The following ZNF274 variants were observed in gnomAD, a reference collection of about 807,000 sequenced individuals.
ZNF274 encodes the protein zinc finger protein 274.
ZNF274 carries 23 observed loss-of-function variants against 42.5 expected under a neutral mutation model. The ratio of observed to expected loss-of-function variants is 0.54; its 90% confidence interval spans 0.39 to 0.77. The LOEUF is 0.77. Ranked by LOEUF, ZNF274 falls within the 30% of genes least tolerant of loss-of-function variation. The pLI, the probability that ZNF274 is intolerant of heterozygous loss-of-function variation, is 0.00. For synonymous variants in ZNF274, 292 were observed against 305.4 expected, an observed-to-expected ratio of 0.96 and a Z score of 0.46; for missense variants, 679 against 806.5, an observed-to-expected ratio of 0.84 and a Z score of 1.91.
rs1257619212 is a variant in ZNF274, at chr19:58,208,932, G to C, written c.740-1029G>C. On this transcript the variant is annotated intron_variant, in intron 5 of 7. Coordinates refer to ENST00000617501, the MANE Select transcript of ZNF274 (RefSeq NM_133502.3). This position sits in a 1 kb window ranked among gnomAD's most constrained non-coding sequence, Gnocchi z 4.5. ...AGTGCCACAGAAGACAATGGGAAGA[G>C]GCTTTCCAGAGAACCCTGAGAATCT... The C allele has an allele frequency of 1.3e-5, 2 of 152,220 alleles. No individual in the cohort carries two copies. The highest frequency in any genetic ancestry group is 2.9e-5 in the Non-Finnish European group (2 of 68,050). The allele number at this position is 152,220 out of a possible 1,614,324, so 9.4% of individuals were successfully genotyped here.
chr19:58,186,805 G>T, intron 3 of ZNF274, 142 bp from the exon 4 acceptor site: 1 of 662,644 alleles, frequency 1.5e-6, no homozygotes, highest in Non-Finnish European at 2.6e-6. Flanking sequence ...CAACAGGGAT[G>T]GATGGAGTTG....
intron 4 of ZNF274, among the ~76,000 whole-genome samples, chr19:58,192,003 T>C (rs2075783578): frequency 6.6e-6 from 1 of 152,084 alleles, no homozygotes; most frequent in South Asian, 2.1e-4. Context: ...AAGCCTGATA[T>C]AAAGAAGGGG....
chr19:58,186,992 CA>C lies in ZNF274; in HGVS notation c.207del (p.Glu70LysfsTer36). 1.2e-6 allele frequency: 2 copies of C among 1,613,660 alleles called. No homozygotes were observed. The highest frequency in any genetic ancestry group is 8.5e-7 in the Non-Finnish European group (1 of 1,179,786). On this transcript the variant is annotated frameshift_variant, in exon 4 of 8. Transcript: ENST00000617501. LOFTEE classifies it high-confidence loss of function. Reference sequence around the variant, plus strand: ...GATGTGGTATCTCAGTTAGAGGAGGCAGAAGATTTCTGGCCAGTGGAGAGAG... The same window carrying C: ...GATGTGGTATCTCAGTTAGAGGAGGCGAAGATTTCTGGCCAGTGGAGAGAG... ...KPDVVSQLEE[A>X]EDFWPVERGI...
intron 4 of ZNF274, among the ~76,000 whole-genome samples, chr19:58,202,770 GAT>G (rs2075928416): frequency 6.6e-6 from 1 of 152,210 alleles, no homozygotes; most frequent in Admixed American, 6.5e-5. Context: ...AAGGTCTTGG[GAT>G]AGTCTATGGG....
intron 6 of ZNF274, 50 bp downstream of exon 6, chr19:58,210,123 A>G (rs1026763998): frequency 2.7e-6 from 4 of 1,508,214 alleles, no homozygotes; most frequent in Admixed American, 3.4e-5. Context: ...CCTGTGAGGC[A>G]GGCCCACCCC....
intron 4 of ZNF274, among the ~76,000 whole-genome samples, chr19:58,197,139 A>C (rs576079475): frequency 1.2e-4 from 19 of 152,338 alleles, no homozygotes; most frequent in African/African-American, 4.3e-4. Context: ...TTACCTGAGA[A>C]CATAGGGCTG....
Position 58,211,833 on chromosome 19 carries a change from A to T in ZNF274, c.979+147A>T. Reference sequence around the variant, plus strand: ...CCAGGGCCTGTAAGTGGAACTGTAGACCTAGAGGGGTGAGGTCACTGGGTG... The same window carrying T: ...CCAGGGCCTGTAAGTGGAACTGTAGTCCTAGAGGGGTGAGGTCACTGGGTG... On this transcript the variant is annotated intron_variant, in intron 7 of 7. Coordinates refer to ENST00000617501, the MANE Select transcript of ZNF274 (RefSeq NM_133502.3). The surrounding 1 kb of genome is among the most constrained non-coding windows in gnomAD (Gnocchi z 4.8). The T allele has an allele frequency of 7.9e-7, 1 of 1,265,846 alleles. No homozygotes were observed. Among genetic ancestry groups the T allele is most frequent in the East Asian group, 2.6e-5 (1 of 39,134 alleles). The allele number at this position is 1,265,846 out of a possible 1,614,324, so 78.4% of individuals were successfully genotyped here.
chr19:58,186,000 A>C, intron 3 of ZNF274, 162 bp downstream of exon 3: 1 of 476,660 alleles, frequency 2.1e-6, no homozygotes. Flanking sequence ...TCCCTCCCTG[A>C]ATACCAGGGA....
chr19:58,185,757 G>A lies in ZNF274; in HGVS notation c.79G>A (p.Glu27Lys). 1 of 1,465,782 alleles carries A rather than the reference G, an allele frequency of 6.8e-7. No homozygotes were observed. Among genetic ancestry groups the A allele is most frequent in the Non-Finnish European group, 9.1e-7 (1 of 1,102,628 alleles). The allele number at this position is 1,465,782 out of a possible 1,614,324, so 90.8% of individuals were successfully genotyped here. The part of the protein sequence containing the change: ...EDVTLGFTPE[E>K]WGLLDLKQKS... Reference sequence around the variant, plus strand: ...TGTAACACTGGGTTTTACCCCGGAAGAGTGGGGACTGCTGGACCTCAAACA... The same window carrying A: ...TGTAACACTGGGTTTTACCCCGGAAAAGTGGGGACTGCTGGACCTCAAACA... The change falls in exon 3 of 8, where the codon GAG (glutamate) becomes AAG (lysine). Residue 27 changes from glutamate to lysine, a missense_variant. Around this residue, in one of 2 missense-constraint regions of ZNF274, gnomAD observed 223 missense variants for 216.4 expected, o/e 1.03. Coordinates refer to ENST00000617501, the MANE Select transcript of ZNF274 (RefSeq NM_133502.3).
In ZNF274 at chr19:58,212,536, A is replaced by G; in HGVS notation, c.1355A>G (p.Lys452Arg). 1 of 1,614,062 alleles carries G rather than the reference A, an allele frequency of 6.2e-7. No individual in the cohort carries two copies. The highest frequency in any genetic ancestry group is 8.5e-7 in the Non-Finnish European group (1 of 1,179,898). The change falls in exon 8 of 8, where the codon AAA becomes AGA. Residue 452 changes from lysine to arginine, a missense_variant. Physicochemically the swap from Lys to Arg is conservative, Grantham distance 26 (BLOSUM62 2). Coordinates refer to ENST00000617501, the MANE Select transcript of ZNF274 (RefSeq NM_133502.3). The surrounding 1 kb of genome is among the most constrained non-coding windows in gnomAD (Gnocchi z 4.6). The stretch of plus-strand genomic sequence containing the variant: ...ATTCCTCCTAGAAAACGATTGCGCA[A>G]ACGTGACTCACAAGTTAAAAGTATG... ...HKIPPRKRLR[K>R]RDSQVKSMKH...
chr19:58,197,578 G>A (rs2075859191), intron 4 of ZNF274, among the ~76,000 whole-genome samples: 1 of 152,146 alleles, frequency 6.6e-6, no homozygotes, highest in Admixed American at 6.5e-5. Flanking sequence ...CACAATGACT[G>A]AATTACTAGG....
chr19:58,212,682 C>G lies in ZNF274; in HGVS notation c.1501C>G (p.His501Asp). 2 of 1,614,010 alleles carry G rather than the reference C, an allele frequency of 1.2e-6. No homozygotes were observed. Among genetic ancestry groups the G allele is most frequent in the Non-Finnish European group, 1.7e-6 (2 of 1,179,898 alleles). The change falls in exon 8 of 8, where the codon CAC (histidine) becomes GAC (aspartate). Residue 501 changes from histidine to aspartate, a missense_variant. Physicochemically the swap from His to Asp is moderately conservative, Grantham distance 81. Coordinates refer to ENST00000617501, the MANE Select transcript of ZNF274 (RefSeq NM_133502.3). This position sits in a 1 kb window ranked among gnomAD's most constrained non-coding sequence, Gnocchi z 4.6. ...STKQITFIRI[H>D]KGSQVCRCSE... ...TAAACAGATTACGTTTATAAGAATT[C>G]ACAAGGGGAGCCAAGTTTGCCGATG... is the stretch of plus-strand genomic sequence containing the variant.
At position 58,183,380 on chromosome 19, in the gene ZNF274, C is replaced by T. The variant is rs1001107900; in HGVS notation, c.-108C>T. Reference sequence around the variant, plus strand: ...GCGGGGGCGTCTGGGAGTTGTAGTTCGGGACGGCGGGCTGACGCACTTCGC... The same window carrying T: ...GCGGGGGCGTCTGGGAGTTGTAGTTTGGGACGGCGGGCTGACGCACTTCGC... On this transcript the variant is annotated 5_prime_UTR_variant, in exon 1 of 8. Coordinates refer to ENST00000617501, the MANE Select transcript of ZNF274 (RefSeq NM_133502.3). The T allele has an allele frequency of 6.6e-6, 1 of 152,086 alleles. No homozygotes were observed. Among genetic ancestry groups the T allele is most frequent in the African/African-American group, 2.4e-5 (1 of 41,392 alleles). The allele number at this position is 152,086 out of a possible 1,614,324, so 9.4% of individuals were successfully genotyped here.
Position 58,207,259 on chromosome 19 carries a change from TG to T in ZNF274, c.739+62del, listed in dbSNP as rs2075991090. The T allele has an allele frequency of 1.3e-6, 2 of 1,531,362 alleles. No homozygotes were observed. Among genetic ancestry groups the T allele is most frequent in the South Asian group, 2.6e-5 (2 of 77,778 alleles). 94.9% of individuals were successfully genotyped at this position (1,531,362 alleles called of 1,614,324 possible). On this transcript the variant is annotated intron_variant, in intron 5 of 7. Transcript: ENST00000617501. This position sits in a 1 kb window ranked among gnomAD's most constrained non-coding sequence, Gnocchi z 5.6. ...AATGAGGGTGTCTTGGAGTACCCTG[TG>T]GGGGAGATAAGAACTCCAGGCTTCC...
At chr19:58,186,218 A>G (rs1477858173) in intron 3 of ZNF274, 1 of 151,570 alleles carries the variant, frequency 6.6e-6, no homozygotes, top group African/African-American at 2.4e-5. Context: ...ATTCCAGACA[A>G]TGCGATGCCA....
At chr19:58,183,898 C>G (rs946596044) in intron 1 of ZNF274, 23 bp from the exon 2 acceptor site, 5 of 1,522,086 alleles carry the variant, frequency 3.3e-6, no homozygotes, top group Middle Eastern at 3.4e-4. Context: ...CTCTCCCTCC[C>G]CTCCCAACTT....
chr19:58,209,900 C>A, intron 5 of ZNF274, 61 bp from the exon 6 acceptor site: 1 of 1,297,574 alleles, frequency 7.7e-7, no homozygotes. Context: ...GAGAGGCCAC[C>A]CTTGCCCTGC....
At position 58,206,898 on chromosome 19, in the gene ZNF274, G is replaced by A. The variant is rs764971707; in HGVS notation, c.435G>A (p.Glu145=). The change falls in exon 5 of 8, where the codon GAG becomes GAA. Residue 145 remains glutamate (E), a synonymous_variant. Coordinates refer to ENST00000617501, the MANE Select transcript of ZNF274 (RefSeq NM_133502.3). ...GCCTGAGTGCAGATGCCCCCAGTGA[G>A]CAGGTCCAACAGCAGGGCAAGCATC... ...DGSLSADAPS[E]QVQQQGKHPG... The A allele has an allele frequency of 2.5e-6, 4 of 1,613,506 alleles. No homozygotes were observed. The South Asian group carries it at 3.3e-5, about 13-fold the overall frequency.
rs4801257 is a variant in ZNF274, at chr19:58,188,696, A to G, written c.256+1654A>G. Reference sequence around the variant, plus strand: ...TGTGTGTATATATATATGTATATGTATATATATATATATATATATATATAT... The same window carrying G: ...TGTGTGTATATATATATGTATATGTGTATATATATATATATATATATATAT... On this transcript the variant is annotated intron_variant, in intron 4 of 7. Transcript: ENST00000617501. Among the ~76,000 whole-genome samples the G allele has an allele frequency of 5.6e-3, 261 of 46,324 alleles. 5 individuals are homozygous for G. Among genetic ancestry groups the G allele is most frequent in the African/African-American group, 0.015 (235 of 15,942 alleles). 30.4% of individuals were successfully genotyped at this position (46,324 alleles called of 152,430 possible). A position where few individuals can be genotyped will look rare whatever the true frequency, so the allele number is the denominator to read the frequency against.
Sources: allele counts gnomAD v4.1 joint callset (sites outside exome capture counted in the v4.1 genomes callset), GRCh38; gene constraint gnomAD v4.1.1; regional missense constraint gnomAD v4.1.1; non-coding constraint Gnocchi (gnomAD v3.1); transcripts MANE v1.5; gene names NCBI Gene and HGNC (gene_info 2026-07-23, HGNC 2026-07-21).